Variants in VIRMA observed in about 807,000 individuals in gnomAD.
VIRMA encodes the protein vir like m6A methyltransferase associated.
In VIRMA, 65 loss-of-function variants were observed where a neutral mutation model predicts 182.4. The observed-to-expected ratio is 0.36, with a 90% CI of 0.29 to 0.44. VIRMA has a LOEUF of 0.44. VIRMA is among the 20% of genes least tolerant of loss of function. The pLI is 1.00. For missense variants in VIRMA, 1,752 were observed against 2,158.1 expected (o/e 0.81, Z 3.73); for synonymous variants, 709 against 743.1 (o/e 0.95, Z 0.75).
chr8:94,547,093 G>A (rs1043377384), intron 1 of VIRMA: 3 of 445,172 alleles, frequency 6.7e-6, no homozygotes, highest in Admixed American at 4.9e-5. Flanking sequence ...AGTGCCTAAA[G>A]TCCTTTATCT....
rs1039708624 is a variant in VIRMA at position 94,490,704 on chromosome 8, G to A, written c.5141-622C>T. Among the ~76,000 whole-genome samples the A allele has an allele frequency of 3.9e-5, 6 of 152,068 alleles. No homozygotes were observed. The East Asian group carries it at 5.9e-4, about 15-fold the overall frequency. ...TCTACTAATAATATAAAAATTAGCC[G>A]GGTGTGGTGGCGCATGCCTATAATC... On this transcript the variant is annotated intron_variant, in intron 22 of 23. Transcript: ENST00000297591.
At chr8:94,500,626 C>T (rs1450667454) in intron 16 of VIRMA, among the ~76,000 whole-genome samples, 2 of 149,856 alleles carry the variant, frequency 1.3e-5, no homozygotes, top group Non-Finnish European at 3.0e-5. Flanking sequence ...AAAATGGTAT[C>T]TCTACTTTGG....
rs1816082909 is a variant in VIRMA at position 94,553,444 on chromosome 8, C to G, written c.4G>C (p.Ala2Pro). 2 of 1,614,218 alleles carry G rather than the reference C, an allele frequency of 1.2e-6. No homozygotes were observed. Among genetic ancestry groups the G allele is most frequent in the Admixed American group, 1.7e-5 (1 of 60,028 alleles). The change falls in exon 1 of 24, where the codon GCG becomes CCG. Residue 2 changes from alanine to proline, a missense_variant. Ala to Pro is a conservative substitution (Grantham distance 27). Coordinates refer to ENST00000297591, the MANE Select transcript of VIRMA (RefSeq NM_015496.5). M[A>P]VDSAMELLFL... ...AACAGCTCCATCGCCGAGTCCACCGCCATGTTTGCCGCGGGCGGGGAACAG... is the reference window on the plus strand; with the variant it reads ...AACAGCTCCATCGCCGAGTCCACCGGCATGTTTGCCGCGGGCGGGGAACAG...
In VIRMA at chr8:94,519,128, T is replaced by C. The variant is rs555108022; in HGVS notation, c.2370A>G (p.Ser790=). 6.0e-5 allele frequency: 97 copies of C among 1,614,118 alleles called. 1 individual carries two copies. In the South Asian group the frequency reaches 9.6e-4, roughly 16 times the overall value. The change falls in exon 9 of 24, where the codon TCA becomes TCG. Residue 790 remains serine, a synonymous_variant. Coordinates refer to ENST00000297591, the MANE Select transcript of VIRMA (RefSeq NM_015496.5). The part of the protein sequence containing the change: ...RCTASEETDH[S]DLLGTLHNLY... ...GATTGTGCAGGGTTCCCAAGAGATC[T>C]GAATGGTCTGTTTCTTCACTGGCTG...
intron 10 of VIRMA, among the ~76,000 whole-genome samples, chr8:94,517,275 T>G (rs1444814549): frequency 1.3e-5 from 2 of 152,228 alleles, no homozygotes; most frequent in Non-Finnish European, 2.9e-5. Flanking sequence ...CAATCTTGGC[T>G]CAGTGCAACC....
intron 8 of VIRMA, 106 bp downstream of exon 8, chr8:94,526,117 A>C: frequency 3.8e-6 from 3 of 788,580 alleles, no homozygotes; most frequent in South Asian, 3.7e-5. Flanking sequence ...AAGTATCCTT[A>C]CACATAAATA....
Position 94,534,921 on chromosome 8 carries a change from A to G in VIRMA, c.402T>C (p.His134=). The G allele has an allele frequency of 2.5e-6, 4 of 1,613,930 alleles. No individual in the cohort carries two copies. The highest frequency in any genetic ancestry group is 3.4e-6 in the Non-Finnish European group (4 of 1,179,966). ...IYGSVDRVIS[H]DRDSPPPPPP... Reference sequence around the variant, plus strand: ...GTGGTGGTGGTGGAGAGTCTCTGTCATGACTTATCACTCTATCCACTGATC... The same window carrying G: ...GTGGTGGTGGTGGAGAGTCTCTGTCGTGACTTATCACTCTATCCACTGATC... Residue 134 remains histidine (H), a synonymous_variant, in exon 5 of 24, where the codon CAT becomes CAC. Transcript: ENST00000297591.
At chr8:94,546,762 G>T in intron 1 of VIRMA, 25 of 337,170 alleles carry the variant, frequency 7.4e-5, no homozygotes, top group Middle Eastern at 3.9e-4. Context: ...TCATTCTTAC[G>T]CCTTTGCATC....
Position 94,514,901 on chromosome 8 carries a change from A to G in VIRMA, c.2719T>C (p.Cys907Arg). The G allele has an allele frequency of 1.3e-6, 2 of 1,591,232 alleles. No individual in the cohort carries two copies. The highest frequency in any genetic ancestry group is 1.7e-6 in the Non-Finnish European group (2 of 1,165,430). Residue 907 changes from cysteine to arginine, a missense_variant, in exon 11 of 24, where the codon TGC (cysteine) becomes CGC (arginine). Coordinates refer to ENST00000297591, the MANE Select transcript of VIRMA (RefSeq NM_015496.5). The part of the protein sequence containing the change: ...PLKNLRFEIN[C>R]IPNLIEYVKQ... ...ACATACTCAATTAAGTTTGGGATGC[A>G]GTTAATTTCAAATCTAAGGTTTTTC...
At position 94,494,957 on chromosome 8, in the gene VIRMA, C is replaced by T; in HGVS notation, c.4545-1G>A. 1 of 1,587,878 alleles carries T rather than the reference C, an allele frequency of 6.3e-7. No individual in the cohort carries two copies. The highest frequency in any genetic ancestry group is 8.6e-7 in the Non-Finnish European group (1 of 1,160,798). The stretch of plus-strand genomic sequence containing the variant: ...GACATCAGCAAGCACATAGGCAGTC[C>T]TGGAACAAGAAAAGTATCTGGTGAA... On this transcript the variant is annotated splice_acceptor_variant, in intron 19 of 23. Transcript: ENST00000297591. LOFTEE classifies it high-confidence loss of function.
chr8:94,543,766 A>C, intron 2 of VIRMA, 61 bp downstream of exon 2: 1 of 904,898 alleles, frequency 1.1e-6, no homozygotes, highest in South Asian at 1.5e-5. Flanking sequence ...TTTGCATTTA[A>C]GAATATGTTT....
intron 7 of VIRMA, 135 bp downstream of exon 7, chr8:94,528,935 G>C (rs1281778029): frequency 9.4e-7 from 1 of 1,062,362 alleles, no homozygotes; most frequent in Non-Finnish European, 1.4e-6. Context: ...GTCATGCCTT[G>C]AGGCCTAGCT....
rs552053310 is a variant in VIRMA at position 94,522,978 on chromosome 8, C to T, written c.2021+3245G>A. Among the ~76,000 whole-genome samples the T allele has an allele frequency of 3.3e-5, 5 of 152,236 alleles. No individual in the cohort carries two copies. The South Asian group carries it at 8.3e-4, about 25-fold the overall frequency. On this transcript the variant is annotated intron_variant, in intron 8 of 23. Transcript: ENST00000297591. ...TCCTCTTGTCTGATACCCAAATATA[C>T]CTCCTCCATATGGTGGGAAAAAAAC...
chr8:94,519,097 A>G lies in VIRMA; in HGVS notation c.2401T>C (p.Leu801=), dbSNP rs764935361. ...CTTCCCACAGGATTAAAAGTAATCA[A>G]ATAAAGATTGTGCAGGGTTCCCAAG... The part of the protein sequence containing the change: ...DLLGTLHNLY[L]ITFNPVGRSA... The change falls in exon 9 of 24, where the codon TTG becomes CTG. Residue 801 remains leucine (L), a synonymous_variant. Coordinates refer to ENST00000297591, the MANE Select transcript of VIRMA (RefSeq NM_015496.5). The G allele has an allele frequency of 1.4e-5, 22 of 1,613,788 alleles. No individual in the cohort carries two copies. The Admixed American group carries it at 3.5e-4, about 26-fold the overall frequency.
intron 8 of VIRMA, among the ~76,000 whole-genome samples, chr8:94,525,429 C>T (rs1022422470): frequency 3.3e-5 from 5 of 152,192 alleles, no homozygotes. Context: ...GCACCCAAGA[C>T]TTTGACTCAA....
At position 94,541,493 on chromosome 8, in the gene VIRMA, T is replaced by C. The variant is rs1190373538; in HGVS notation, c.179+2334A>G. On this transcript the variant is annotated intron_variant, in intron 2 of 23. Transcript: ENST00000297591. The stretch of plus-strand genomic sequence containing the variant: ...CTATTATAAAGTATGCCCACAAATA[T>C]CACTTGATCTCTAACACTGCTTTCA... Among the ~76,000 whole-genome samples, 9 of 152,144 alleles carry C rather than the reference T, an allele frequency of 5.9e-5. No individual in the cohort carries two copies. The East Asian group carries it at 1.3e-3, about 23-fold the overall frequency.
chr8:94,551,314 C>T (rs537948569), intron 1 of VIRMA, among the ~76,000 whole-genome samples: 1 of 152,310 alleles, frequency 6.6e-6, no homozygotes, highest in South Asian at 2.1e-4. Context: ...GGAGCTAGTT[C>T]TAATACGTCA....
chr8:94,501,255 C>CAAAAAAAAAAA (rs55726504), intron 16 of VIRMA, among the ~76,000 whole-genome samples: 1 of 72,864 alleles, frequency 1.4e-5, no homozygotes, highest in African/African-American at 6.1e-5. Context: ...GATTCCATCT[C>CAAAAAAAAAAA]AAAAAAAAAA....
At chr8:94,499,941 C>T (rs912593542) in intron 16 of VIRMA, among the ~76,000 whole-genome samples, 2 of 148,976 alleles carry the variant, frequency 1.3e-5, no homozygotes, top group African/African-American at 2.5e-5. Flanking sequence ...CCCAGCTACT[C>T]GGGAGGAGGT....
Sources: gnomAD v4.1 joint callset for allele counts (sites outside exome capture counted in the v4.1 genomes callset) on GRCh38, gnomAD v4.1.1 for gene constraint, MANE v1.5 for transcripts, NCBI Gene and HGNC (gene_info 2026-07-23, HGNC 2026-07-21) for gene names.